The following MBP variants were observed in gnomAD, a reference collection of about 807,000 sequenced individuals.
MBP encodes the protein Golli-MBP.
In MBP, 16 loss-of-function variants were observed where a neutral mutation model predicts 35.8. The observed-to-expected ratio is 0.45, with a 90% CI of 0.30 to 0.68. MBP has a LOEUF of 0.68. Among genes scored for constraint, MBP ranks in the 30% least tolerant of loss-of-function variants. The pLI, the probability that MBP is intolerant of heterozygous loss-of-function variation, is 0.08. For synonymous variants in MBP, 143 were observed against 159.6 expected (o/e 0.90, Z 0.78); for missense variants, 380 against 404.7 (o/e 0.94, Z 0.52).
intron 2 of MBP, among the ~76,000 whole-genome samples, chr18:77,083,580 A>G (rs1415257798): frequency 6.6e-6 from 1 of 152,226 alleles, no homozygotes; most frequent in African/African-American, 2.4e-5. Context: ...AAAAGTATAA[A>G]CACAAACATC....
At chr18:77,122,700 G>A (rs1221412224) in intron 1 of MBP, among the ~76,000 whole-genome samples, 2 of 152,052 alleles carry the variant, frequency 1.3e-5, no homozygotes, top group African/African-American at 2.4e-5. Flanking sequence ...CCACCACCAC[G>A]CCTGGCTAAT....
At chr18:77,011,086 A>G (rs113107589) in intron 4 of MBP, among the ~76,000 whole-genome samples, 108 of 152,226 alleles carry the variant, frequency 7.1e-4, no homozygotes, top group African/African-American at 2.5e-3. Flanking sequence ...AAGTGAACAC[A>G]CCGGGGTTTT....
intron 4 of MBP, among the ~76,000 whole-genome samples, chr18:76,991,679 C>G (rs1449768653): frequency 2.6e-5 from 4 of 152,154 alleles, no homozygotes; most frequent in Non-Finnish European, 5.9e-5. Flanking sequence ...TGTAAAGAGC[C>G]CACACCTCAG....
intron 2 of MBP, among the ~76,000 whole-genome samples, chr18:77,083,020 G>C (rs937160726): frequency 1.3e-5 from 2 of 151,746 alleles, no homozygotes; most frequent in Admixed American, 1.3e-4. Flanking sequence ...CGTCACCCAG[G>C]CTAGAGTGAA....
At position 76,980,592 on chromosome 18, in the gene MBP, AG is replaced by A. The variant is rs1285069637; in HGVS notation, c.871-122del. ...TTGGGTGTCTCTCTCATCTGCTAAT[AG>A]AAATGGCACCCCGGAGAGCTGGTCT... On this transcript the variant is annotated intron_variant, in intron 8 of 8. Transcript: ENST00000355994. 98 of 741,436 alleles carry A rather than the reference AG, an allele frequency of 1.3e-4. 3 individuals are homozygous for A. In the Admixed American group the frequency reaches 1.9e-3, roughly 15 times the overall value. The allele number at this position is 741,436 out of a possible 1,614,324, so 45.9% of individuals were successfully genotyped here. A position where few individuals can be genotyped will look rare whatever the true frequency, so the allele number is the denominator to read the frequency against.
intron 3 of MBP, among the ~76,000 whole-genome samples, chr18:77,032,141 C>A (rs1477668060): frequency 3.9e-5 from 6 of 152,208 alleles, no homozygotes; most frequent in Admixed American, 2.6e-4. Context: ...GGAGGCCGAG[C>A]CCTGCAGAGA....
intron 4 of MBP, chr18:77,003,105 T>C (rs975515636): frequency 6.6e-6 from 1 of 152,214 alleles, no homozygotes; most frequent in Non-Finnish European, 1.5e-5. Context: ...GTTAATGAGA[T>C]GAGATTTTTC....
rs916899743 is a variant in MBP at position 77,132,589 on chromosome 18, G to C, written c.-35C>G. 2.6e-5 allele frequency: 4 copies of C among 152,276 alleles called. No homozygotes were observed. Among genetic ancestry groups the C allele is most frequent in the Non-Finnish European group, 1.5e-5 (1 of 68,152 alleles). 9.4% of individuals were successfully genotyped at this position (152,276 alleles called of 1,614,324 possible). ...CCCGAGGGTCACCCACCGGCGCTGC[G>C]CTCGTTGCTCCGAGGCCGAGGGGCG... On this transcript the variant is annotated 5_prime_UTR_variant, in exon 1 of 9. Transcript: ENST00000355994.
chr18:77,052,934 C>T (rs1023958266), intron 3 of MBP, among the ~76,000 whole-genome samples: 1 of 152,232 alleles, frequency 6.6e-6, no homozygotes, highest in African/African-American at 2.4e-5. Context: ...CCTACTCCCT[C>T]CTGTGGAGCC....
At chr18:77,092,774 G>A (rs1568335988) in intron 2 of MBP, among the ~76,000 whole-genome samples, 1 of 152,030 alleles carries the variant, frequency 6.6e-6, no homozygotes, top group Non-Finnish European at 1.5e-5. Context: ...CAGACCCCTC[G>A]GAGAAGCAGG....
rs1367920636 is a variant in MBP, at chr18:76,983,811, T to G, written c.870+964A>C. 2.0e-5 allele frequency: 3 copies of G among 152,306 alleles called. No individual in the cohort carries two copies. The East Asian group carries it at 5.8e-4, about 29-fold the overall frequency. 9.4% of individuals were successfully genotyped at this position (152,306 alleles called of 1,614,324 possible). On this transcript the variant is annotated intron_variant, in intron 8 of 8. Transcript: ENST00000355994. ...CGCGGGGGGACCATGTCTGTGCTCA[T>G]GTGGATCCCCGCTGCTGGGCAGAGC...
intron 1 of MBP, among the ~76,000 whole-genome samples, chr18:77,105,585 A>G (rs1976244600): frequency 6.6e-6 from 1 of 152,230 alleles, no homozygotes; most frequent in Non-Finnish European, 1.5e-5. Flanking sequence ...AGAAATATCT[A>G]TCTATTCATC....
chr18:77,106,532 C>A (rs566434680), intron 1 of MBP, among the ~76,000 whole-genome samples: 3 of 152,124 alleles, frequency 2.0e-5, no homozygotes, highest in Non-Finnish European at 4.4e-5. Flanking sequence ...GGAAACCCCA[C>A]CCACCTTCAG....
rs915508129 is a variant in MBP, at chr18:77,009,710, C to T, written c.576+7122G>A. 5.5e-6 allele frequency: 4 copies of T among 731,508 alleles called. No homozygotes were observed. In the Admixed American group the frequency reaches 8.9e-5, roughly 16 times the overall value. The allele number at this position is 731,508 out of a possible 1,614,324, so 45.3% of individuals were successfully genotyped here. On this transcript the variant is annotated intron_variant, in intron 4 of 8. Coordinates refer to ENST00000355994, the MANE Select transcript of MBP (RefSeq NM_001025101.2). The stretch of plus-strand genomic sequence containing the variant: ...TGGGGGAGGCCTGCCTCCCTGCTTT[C>T]ACGGCCTCACAGATGCCCCGGAGGC...
intron 2 of MBP, chr18:77,087,595 C>G (rs938446928): frequency 2.0e-5 from 3 of 152,198 alleles, no homozygotes; most frequent in African/African-American, 7.2e-5. Flanking sequence ...AAAGCAGTCG[C>G]GCAGCGCTGT....
chr18:77,086,637 T>C (rs751467644), intron 2 of MBP, among the ~76,000 whole-genome samples: 1 of 152,240 alleles, frequency 6.6e-6, no homozygotes, highest in Non-Finnish European at 1.5e-5. Flanking sequence ...ACAATACTTC[T>C]ATTTTAAGCG....
intron 2 of MBP, among the ~76,000 whole-genome samples, chr18:77,078,243 A>G (rs1974741722): frequency 1.3e-5 from 2 of 152,198 alleles, no homozygotes; most frequent in Non-Finnish European, 2.9e-5. Context: ...ACACAGCCAC[A>G]TGGCAAACGG....
In MBP at chr18:76,988,806, G is replaced by A. The variant is rs1969721452; in HGVS notation, c.717+71C>T. The A allele has an allele frequency of 5.3e-6, 8 of 1,511,250 alleles. No individual in the cohort carries two copies. The South Asian group carries it at 6.1e-5, about 11-fold the overall frequency. The allele number at this position is 1,511,250 out of a possible 1,614,324, so 93.6% of individuals were successfully genotyped here. A position where few individuals can be genotyped will look rare whatever the true frequency, so the allele number is the denominator to read the frequency against. On this transcript the variant is annotated intron_variant, in intron 6 of 8. Coordinates refer to ENST00000355994, the MANE Select transcript of MBP (RefSeq NM_001025101.2). The surrounding 1 kb of genome is among the most constrained non-coding windows in gnomAD (Gnocchi z 5.2). ...TAGCTCGGAGCCTAACTCTCTCTTT[G>A]GTACATTATGGGATTTTAGAGAAGG...
At chr18:76,984,386 G>T (rs1969411701) in intron 8 of MBP, 11 of 221,776 alleles carry the variant, frequency 5.0e-5, no homozygotes, top group South Asian at 4.8e-4. Flanking sequence ...ATTCCCTCCC[G>T]TGGCTCCAGG....
Sources: gnomAD v4.1 joint callset for allele counts (sites outside exome capture counted in the v4.1 genomes callset) on GRCh38, gnomAD v4.1.1 for gene constraint, Gnocchi (gnomAD v3.1) non-coding constraint, MANE v1.5 for transcripts, NCBI Gene and HGNC (gene_info 2026-07-23, HGNC 2026-07-21) for gene names.